PIEZO2: variants seen among roughly 807,000 people sequenced by gnomAD.
PIEZO2 encodes piezo type mechanosensitive ion channel component 2.
Under a neutral mutation model 337.3 loss-of-function variants are expected in PIEZO2, and 172 were observed. That is an observed-to-expected ratio of 0.51 (90% confidence interval 0.45 to 0.58). The LOEUF is 0.58. Ranked by LOEUF, PIEZO2 falls within the 20% of genes least tolerant of loss-of-function variation. PIEZO2 has a pLI of 0.00. For missense variants in PIEZO2, 3,028 were observed against 3,391.3 expected (o/e 0.89, Z 2.66); for synonymous variants, 1,251 against 1,228.5 (o/e 1.02, Z -0.38).
chr18:11,003,117 C>T lies in PIEZO2; in HGVS notation c.161-23457G>A, dbSNP rs569850460. On this transcript the variant is annotated intron_variant, in intron 2 of 55. Transcript: ENST00000674853. The surrounding 1 kb of genome is among the most constrained non-coding windows in gnomAD (Gnocchi z 4.6). Reference sequence around the variant, plus strand: ...TCTTTGCCGTGCCCTCCCAGGTCTTCCTCCAGCAGGCAGGATGGCACTTGG... The same window carrying T: ...TCTTTGCCGTGCCCTCCCAGGTCTTTCTCCAGCAGGCAGGATGGCACTTGG... Among the ~76,000 whole-genome samples, 3 of 152,330 alleles carry T rather than the reference C, an allele frequency of 2.0e-5. No homozygotes were observed. The highest frequency in any genetic ancestry group is 4.4e-5 in the Non-Finnish European group (3 of 68,028).
chr18:10,871,192 A>G (rs1200540189), intron 5 of PIEZO2, 61 bp downstream of exon 5: 19 of 1,452,942 alleles, frequency 1.3e-5, no homozygotes, highest in Non-Finnish European at 1.7e-5. Flanking sequence ...TAGTTCTGCA[A>G]CTTATTAAGG....
chr18:10,701,800 A>T (rs4796900), intron 43 of PIEZO2, 189 bp downstream of exon 43: 6 of 452,610 alleles, frequency 1.3e-5, no homozygotes, highest in Non-Finnish European at 2.2e-5. Flanking sequence ...AAAAAATGTC[A>T]GCTAAATGAA....
intron 7 of PIEZO2, among the ~76,000 whole-genome samples, chr18:10,838,699 A>C (rs2041097181): frequency 6.6e-6 from 1 of 152,130 alleles, no homozygotes; most frequent in East Asian, 1.9e-4. Context: ...TTCATAAGGG[A>C]ATGTTTATAT....
At chr18:10,740,680 C>A in intron 33 of PIEZO2, 1 of 384,594 alleles carries the variant, frequency 2.6e-6, no homozygotes, top group Non-Finnish European at 4.9e-6. Context: ...GGTATTTAGC[C>A]ATAAAATATG....
chr18:11,125,887 C>G lies in PIEZO2; in HGVS notation c.64+22638G>C, dbSNP rs2040167591. On this transcript the variant is annotated intron_variant, in intron 1 of 55. Transcript: ENST00000674853. The surrounding 1 kb of genome is among the most constrained non-coding windows in gnomAD (Gnocchi z 4.4). ...AAGAGAAATACACAGTCATTCACACCTGCTAACTTGAGGGCTGCCAGGGCA... is the reference window on the plus strand; with the variant it reads ...AAGAGAAATACACAGTCATTCACACGTGCTAACTTGAGGGCTGCCAGGGCA... Among the ~76,000 whole-genome samples the G allele has an allele frequency of 6.6e-6, 1 of 152,222 alleles. No homozygotes were observed. Among genetic ancestry groups the G allele is most frequent in the East Asian group, 1.9e-4 (1 of 5,200 alleles).
rs896785501 is a variant in PIEZO2, at chr18:10,819,639, A to T, written c.918-12365T>A. Among the ~76,000 whole-genome samples, 3 of 152,242 alleles carry T rather than the reference A, an allele frequency of 2.0e-5. No homozygotes were observed. The highest frequency in any genetic ancestry group is 2.9e-5 in the Non-Finnish European group (2 of 68,040). The stretch of plus-strand genomic sequence containing the variant: ...GTTTTCTCAATGTTGTTCTCAATGC[A>T]TCATCGGTGTTCACCTTCATGCTTG... On this transcript the variant is annotated intron_variant, in intron 7 of 55. Coordinates refer to ENST00000674853, the MANE Select transcript of PIEZO2 (RefSeq NM_001378183.1). The surrounding 1 kb of genome is among the most constrained non-coding windows in gnomAD (Gnocchi z 4.3).
At chr18:10,883,435 G>T (rs575043618) in intron 4 of PIEZO2, among the ~76,000 whole-genome samples, 1 of 151,988 alleles carries the variant, frequency 6.6e-6, no homozygotes, top group Admixed American at 6.5e-5. Context: ...ACCTCTTGTT[G>T]CTATTGTTAC....
chr18:10,704,820 G>A (rs2035503339), intron 41 of PIEZO2, among the ~76,000 whole-genome samples, 168 bp from the exon 42 acceptor site: 1 of 152,220 alleles, frequency 6.6e-6, no homozygotes, highest in South Asian at 2.1e-4. Flanking sequence ...GAGTACCTGG[G>A]ATTACAGGTG....
intron 5 of PIEZO2, among the ~76,000 whole-genome samples, chr18:10,869,193 T>TA (rs1412956538): frequency 6.6e-6 from 1 of 152,236 alleles, no homozygotes; most frequent in Non-Finnish European, 1.5e-5. Flanking sequence ...GATATAGTAT[T>TA]AGTGTCTCTC....
chr18:10,931,210 T>G (rs1308025505), intron 3 of PIEZO2, among the ~76,000 whole-genome samples: 1 of 152,252 alleles, frequency 6.6e-6, no homozygotes, highest in African/African-American at 2.4e-5. Context: ...TATTTATTTA[T>G]TCTGAGACGG....
Position 10,675,292 on chromosome 18 carries a change from T to C in PIEZO2, c.8082-4A>G, listed in dbSNP as rs1411163485. 3.5e-6 allele frequency: 5 copies of C among 1,446,190 alleles called. No homozygotes were observed. The highest frequency in any genetic ancestry group is 2.5e-5 in the Admixed American group (1 of 39,368). 89.6% of individuals were successfully genotyped at this position (1,446,190 alleles called of 1,614,324 possible). A position where few individuals can be genotyped will look rare whatever the true frequency, so the allele number is the denominator to read the frequency against. Reference sequence around the variant, plus strand: ...TGGATAAATCTTTTCTATGGTCCTGTACATTAAGAAAAAAAAGATACAATT... The same window carrying C: ...TGGATAAATCTTTTCTATGGTCCTGCACATTAAGAAAAAAAAGATACAATT... On this transcript the variant is annotated splice_region_variant and splice_polypyrimidine_tract_variant and intron_variant, in intron 53 of 55. Transcript: ENST00000674853.
rs553057306 is a variant in PIEZO2, at chr18:11,116,727, GA to G, written c.64+31797del. ...GAGACTCCGTCTCAAAAAAAACAAA[GA>G]AAAAAAAAAATCATTCCATTTATCT... is the stretch of plus-strand genomic sequence containing the variant. On this transcript the variant is annotated intron_variant, in intron 1 of 55. Coordinates refer to ENST00000674853, the MANE Select transcript of PIEZO2 (RefSeq NM_001378183.1). The surrounding 1 kb of genome is among the most constrained non-coding windows in gnomAD (Gnocchi z 5.0). 0.028 allele frequency among the ~76,000 whole-genome samples: 3,981 copies of G among 144,304 alleles called. 160 individuals carry two copies. Among genetic ancestry groups the G allele is most frequent in the African/African-American group, 0.086 (3,410 of 39,664 alleles). 94.7% of individuals were successfully genotyped at this position (144,304 alleles called of 152,430 possible).
At chr18:10,990,142 C>T (rs1016370981) in intron 2 of PIEZO2, among the ~76,000 whole-genome samples, 5 of 152,054 alleles carry the variant, frequency 3.3e-5, no homozygotes, top group African/African-American at 1.2e-4. Flanking sequence ...CATCAAACAA[C>T]ATAGCTGGTG....
intron 2 of PIEZO2, among the ~76,000 whole-genome samples, chr18:10,987,378 AGAG>A (rs1474050230): frequency 6.6e-6 from 1 of 152,166 alleles, no homozygotes; most frequent in Non-Finnish European, 1.5e-5. Context: ...AAAATGGAAC[AGAG>A]GAGAGACCTG....
At chr18:11,113,523 C>T (rs1167111622) in intron 1 of PIEZO2, among the ~76,000 whole-genome samples, 2 of 152,164 alleles carry the variant, frequency 1.3e-5, no homozygotes, top group Admixed American at 1.3e-4. Context: ...CTGCTCTGCC[C>T]ACCCTCACGG....
chr18:10,734,441 A>G (rs979985406), intron 35 of PIEZO2, among the ~76,000 whole-genome samples: 11 of 152,200 alleles, frequency 7.2e-5, no homozygotes, highest in Non-Finnish European at 1.5e-4. Context: ...CCCAGGGTAA[A>G]ATGTGAGAAG....
chr18:11,114,482 A>G (rs1045358942), intron 1 of PIEZO2, among the ~76,000 whole-genome samples: 1 of 152,230 alleles, frequency 6.6e-6, no homozygotes, highest in Non-Finnish European at 1.5e-5. Flanking sequence ...CCTGGCCAAC[A>G]TGGCAAAACG....
chr18:10,991,205 CAT>C (rs924280792), intron 2 of PIEZO2, among the ~76,000 whole-genome samples: 41 of 146,272 alleles, frequency 2.8e-4, no homozygotes, highest in African/African-American at 1.3e-4. Flanking sequence ...TACATATATA[CAT>C]ATATATATAC....
Position 10,917,107 on chromosome 18 carries a change from T to G in PIEZO2, c.287-5879A>C, listed in dbSNP as rs1034215394. On this transcript the variant is annotated intron_variant, in intron 3 of 55. Coordinates refer to ENST00000674853, the MANE Select transcript of PIEZO2 (RefSeq NM_001378183.1). Reference sequence around the variant, plus strand: ...CTCCCCAAGTACAGGGGGAGTTCGTTCTGTACAAATATACATAGACAAAAG... The same window carrying G: ...CTCCCCAAGTACAGGGGGAGTTCGTGCTGTACAAATATACATAGACAAAAG... Among the ~76,000 whole-genome samples, 3 of 110,168 alleles carry G rather than the reference T, an allele frequency of 2.7e-5. No individual in the cohort carries two copies. The East Asian group carries it at 8.4e-4, about 31-fold the overall frequency. 72.3% of individuals were successfully genotyped at this position (110,168 alleles called of 152,430 possible). A position where few individuals can be genotyped will look rare whatever the true frequency, so the allele number is the denominator to read the frequency against.
Sources: allele counts gnomAD v4.1 joint callset (sites outside exome capture counted in the v4.1 genomes callset), GRCh38; gene constraint gnomAD v4.1.1; non-coding constraint Gnocchi (gnomAD v3.1); transcripts MANE v1.5; gene names NCBI Gene and HGNC (gene_info 2026-07-23, HGNC 2026-07-21).